Variants in ATXN7L1 observed in about 807,000 individuals in gnomAD.
ATXN7L1 encodes ataxin-7-like protein 1.
In ATXN7L1, 15 loss-of-function variants were observed where a neutral mutation model predicts 70.8. That is an observed-to-expected ratio of 0.21 (90% CI 0.14 to 0.33). ATXN7L1 has a LOEUF of 0.33. ATXN7L1 is among the 10% of genes least tolerant of loss of function. ATXN7L1 has a pLI of 1.00. For synonymous variants in ATXN7L1, 440 were observed against 445.1 expected, an observed-to-expected ratio of 0.99 and a Z score of 0.14; for missense variants, 975 against 1,097.1, an observed-to-expected ratio of 0.89 and a Z score of 1.57.
At position 105,624,202 on chromosome 7, in the gene ATXN7L1, G is replaced by A; in HGVS notation, c.1268C>T (p.Pro423Leu). 2.0e-6 allele frequency: 3 copies of A among 1,523,584 alleles called. No homozygotes were observed. The highest frequency in any genetic ancestry group is 1.4e-5 in the African/African-American group (1 of 72,058). 94.4% of individuals were successfully genotyped at this position (1,523,584 alleles called of 1,614,324 possible). A position where few individuals can be genotyped will look rare whatever the true frequency, so the allele number is the denominator to read the frequency against. Reference protein sequence around the residue: ...SSNHSGHTPEPPLPPVGGDLA... With the variant: ...SSNHSGHTPELPLPPVGGDLA... ...GTCACCTCCAACCGGTGGGAGTGGG[G>A]GCTCTGGAGTGTGGCCGCTATGATT... is the stretch of plus-strand genomic sequence containing the variant. The change falls in exon 8 of 12, where the codon CCC becomes CTC. Residue 423 changes from proline (P) to leucine (L), a missense_variant. Pro to Leu is a moderately conservative substitution (Grantham distance 98, BLOSUM62 -3). Transcript: ENST00000419735.
intron 2 of ATXN7L1, among the ~76,000 whole-genome samples, chr7:105,803,220 T>G (rs910656865): frequency 6.6e-6 from 1 of 152,228 alleles, no homozygotes; most frequent in Non-Finnish European, 1.5e-5. Flanking sequence ...TACATTGCCA[T>G]GGGAGGCCAG....
intron 3 of ATXN7L1, among the ~76,000 whole-genome samples, chr7:105,723,682 C>A (rs1038410565): frequency 1.3e-5 from 2 of 152,210 alleles, no homozygotes; most frequent in Non-Finnish European, 2.9e-5. Context: ...CACACCAAGA[C>A]AGCACCACAG....
At chr7:105,699,784 A>G (rs1157709294) in intron 3 of ATXN7L1, among the ~76,000 whole-genome samples, 1 of 152,156 alleles carries the variant, frequency 6.6e-6, no homozygotes, top group Non-Finnish European at 1.5e-5. Context: ...GTTTGCAAAC[A>G]CTGAGAAAGA....
At chr7:105,621,734 C>T (rs886561167) in intron 8 of ATXN7L1, among the ~76,000 whole-genome samples, 1 of 152,200 alleles carries the variant, frequency 6.6e-6, no homozygotes, top group Non-Finnish European at 1.5e-5. Flanking sequence ...AGCAGCTCTC[C>T]CCCTTCCTCC....
intron 7 of ATXN7L1, among the ~76,000 whole-genome samples, chr7:105,637,007 C>T (rs762177562): frequency 2.0e-5 from 3 of 152,206 alleles, no homozygotes; most frequent in Non-Finnish European, 4.4e-5. Context: ...GGTAATATCC[C>T]TAACCAACAC....
chr7:105,866,451 C>T (rs1032858802), intron 2 of ATXN7L1, among the ~76,000 whole-genome samples: 3 of 152,224 alleles, frequency 2.0e-5, no homozygotes, highest in Admixed American at 6.5e-5. Flanking sequence ...GCTTTCCCCA[C>T]AGCAGAATTC....
chr7:105,610,976 C>T (rs1793095411), intron 10 of ATXN7L1, among the ~76,000 whole-genome samples: 1 of 152,246 alleles, frequency 6.6e-6, no homozygotes, highest in Admixed American at 6.5e-5. Flanking sequence ...TCACACAGCT[C>T]ATATACCTCT....
At chr7:105,844,509 G>A (rs1813685018) in intron 2 of ATXN7L1, among the ~76,000 whole-genome samples, 1 of 152,122 alleles carries the variant, frequency 6.6e-6, no homozygotes, top group Non-Finnish European at 1.5e-5. Context: ...CACAGAAAAT[G>A]CATTTGACAA....
At chr7:105,734,544 C>A (rs971573473) in intron 3 of ATXN7L1, among the ~76,000 whole-genome samples, 1 of 152,120 alleles carries the variant, frequency 6.6e-6, no homozygotes, top group African/African-American at 2.4e-5. Context: ...CTGACTCAAG[C>A]GTGCACCAGC....
chr7:105,842,022 G>A (rs1461839329), intron 2 of ATXN7L1, among the ~76,000 whole-genome samples: 1 of 152,160 alleles, frequency 6.6e-6, no homozygotes, highest in Non-Finnish European at 1.5e-5. Flanking sequence ...CGGCTGGAAT[G>A]TGAGATGGGG....
At chr7:105,774,168 G>A (rs996947946) in intron 3 of ATXN7L1, among the ~76,000 whole-genome samples, 1 of 152,088 alleles carries the variant, frequency 6.6e-6, no homozygotes, top group Non-Finnish European at 1.5e-5. Flanking sequence ...GTAAGAATAT[G>A]ACAAAGGCAG....
chr7:105,697,563 A>G (rs1469887478), intron 3 of ATXN7L1, among the ~76,000 whole-genome samples: 2 of 152,170 alleles, frequency 1.3e-5, no homozygotes, highest in African/African-American at 4.8e-5. Context: ...CACATGCTAT[A>G]CAATTTGTGC....
chr7:105,623,851 T>A (rs1795285331), intron 8 of ATXN7L1, among the ~76,000 whole-genome samples: 3 of 152,224 alleles, frequency 2.0e-5, no homozygotes, highest in Admixed American at 1.3e-4. Flanking sequence ...TTTTTAGTAG[T>A]ATGTGGAAGT....
chr7:105,826,393 C>T (rs1177588578), intron 2 of ATXN7L1, among the ~76,000 whole-genome samples: 1 of 152,210 alleles, frequency 6.6e-6, no homozygotes, highest in Non-Finnish European at 1.5e-5. Context: ...CTGTCCAATT[C>T]TATGACTGCA....
intron 3 of ATXN7L1, among the ~76,000 whole-genome samples, chr7:105,719,528 C>T (rs772411898): frequency 7.9e-5 from 12 of 152,096 alleles, no homozygotes; most frequent in Admixed American, 2.6e-4. Context: ...TTCCCTAGCC[C>T]CCTGCTGTGC....
At chr7:105,771,315 T>G (rs1357570198) in intron 3 of ATXN7L1, among the ~76,000 whole-genome samples, 1 of 152,062 alleles carries the variant, frequency 6.6e-6, no homozygotes, top group Non-Finnish European at 1.5e-5. Context: ...AGTAAAGTTT[T>G]GAGAATCAAA....
In ATXN7L1 at chr7:105,876,234, T is replaced by C. The variant is rs1327712636; in HGVS notation, c.181+144A>G. On this transcript the variant is annotated intron_variant, in intron 1 of 11. Coordinates refer to ENST00000419735, the MANE Select transcript of ATXN7L1 (RefSeq NM_020725.2). ...TGTGCATTGATGATCTGTCTCTGTG[T>C]GTATTTATTTAGAGAGAGAGGGAGA... is the stretch of plus-strand genomic sequence containing the variant. 6.3e-6 allele frequency: 7 copies of C among 1,115,072 alleles called. No homozygotes were observed. The African/African-American group carries it at 8.0e-5, about 13-fold the overall frequency. 69.1% of individuals were successfully genotyped at this position (1,115,072 alleles called of 1,614,324 possible). A position where few individuals can be genotyped will look rare whatever the true frequency, so the allele number is the denominator to read the frequency against.
intron 2 of ATXN7L1, among the ~76,000 whole-genome samples, chr7:105,831,631 CCAGAA>C (rs1350857324): frequency 2.0e-5 from 3 of 152,150 alleles, no homozygotes; most frequent in Non-Finnish European, 4.4e-5. Context: ...GCGTAAACTA[CCAGAA>C]CAATGTGATA....
At chr7:105,769,834 A>C (rs1315478206) in intron 3 of ATXN7L1, among the ~76,000 whole-genome samples, 1 of 152,106 alleles carries the variant, frequency 6.6e-6, no homozygotes, top group South Asian at 2.1e-4. Context: ...TCATCTTTTC[A>C]CCATCAGGAA....
Sources: gnomAD v4.1 joint callset for allele counts (sites outside exome capture counted in the v4.1 genomes callset) on GRCh38, gnomAD v4.1.1 for gene constraint, MANE v1.5 for transcripts, NCBI Gene and HGNC (gene_info 2026-07-23, HGNC 2026-07-21) for gene names.